Variants in ARMC9 observed in about 807,000 individuals in gnomAD.
ARMC9 encodes the protein armadillo repeat containing 9.
A neutral mutation model predicts 107.0 loss-of-function variants in ARMC9; 94 were observed. The ratio of observed to expected loss-of-function variants is 0.88; its 90% confidence interval spans 0.74 to 1.04. The LOEUF (loss-of-function observed/expected upper bound fraction) is 1.04. Ranked by LOEUF, ARMC9 falls within the 50% of genes least tolerant of loss-of-function variation. The pLI is 0.00. For synonymous variants in ARMC9, 380 were observed against 396.9 expected (o/e 0.96, Z 0.51); for missense variants, 942 against 1,030.1 (o/e 0.91, Z 1.17).
chr2:231,346,437 C>T (rs1268082600), intron 21 of ARMC9, among the ~76,000 whole-genome samples: 2 of 152,130 alleles, frequency 1.3e-5, no homozygotes, highest in East Asian at 1.9e-4. Flanking sequence ...AGGAGAATGC[C>T]GTGAACCCAG....
intron 19 of ARMC9, among the ~76,000 whole-genome samples, chr2:231,324,659 A>G (rs1036989733): frequency 2.6e-5 from 4 of 151,838 alleles, no homozygotes; most frequent in Admixed American, 2.6e-4. Flanking sequence ...CGAGAGAATC[A>G]CTTGAACCGA....
chr2:231,283,110 A>G (rs562290763), intron 17 of ARMC9, among the ~76,000 whole-genome samples: 1 of 152,246 alleles, frequency 6.6e-6, no homozygotes, highest in South Asian at 2.1e-4. Context: ...AGGAAGAGTC[A>G]CAGTTGCAGG....
chr2:231,295,161 T>G (rs1245822130), intron 18 of ARMC9: 1 of 152,282 alleles, frequency 6.6e-6, no homozygotes, highest in East Asian at 1.9e-4. Flanking sequence ...CTTTCTTCTT[T>G]CAGGCTTTCT....
chr2:231,304,547 C>T (rs1226473669), intron 19 of ARMC9, among the ~76,000 whole-genome samples: 5 of 152,156 alleles, frequency 3.3e-5, no homozygotes, highest in African/African-American at 9.7e-5. Flanking sequence ...AGGCATGTGC[C>T]ACCACGCCTG....
chr2:231,222,676 T>C (rs2034263758), intron 5 of ARMC9, 52 bp from the exon 6 acceptor site: 1 of 1,049,830 alleles, frequency 9.5e-7, no homozygotes, highest in Non-Finnish European at 1.4e-6. Flanking sequence ...TTGATGATGC[T>C]ATTGGTACTT....
intron 12 of ARMC9, among the ~76,000 whole-genome samples, chr2:231,265,646 T>TA (rs2038791622): frequency 6.6e-6 from 1 of 151,828 alleles, no homozygotes; most frequent in Admixed American, 6.6e-5. Flanking sequence ...CTAAATAACT[T>TA]ATCCCTGTAA....
chr2:231,306,336 AAT>A (rs1163797800), intron 19 of ARMC9, among the ~76,000 whole-genome samples: 1 of 152,220 alleles, frequency 6.6e-6, no homozygotes, highest in Non-Finnish European at 1.5e-5. Context: ...ATCTAATTTA[AAT>A]ACCTGATACA....
At chr2:231,292,453 A>G (rs1333327910) in intron 18 of ARMC9, among the ~76,000 whole-genome samples, 4 of 152,192 alleles carry the variant, frequency 2.6e-5, no homozygotes, top group Non-Finnish European at 5.9e-5. Context: ...CATTCACTGC[A>G]GAAAAACTGA....
At chr2:231,267,210 C>T (rs773234828) in intron 12 of ARMC9, among the ~76,000 whole-genome samples, 18 of 152,096 alleles carry the variant, frequency 1.2e-4, no homozygotes, top group Non-Finnish European at 2.9e-5. Flanking sequence ...GGCCAGGTAC[C>T]AGTTGTCCAA....
intron 20 of ARMC9, 76 bp downstream of exon 20, chr2:231,331,973 GAC>G (rs913256476): frequency 9.8e-6 from 12 of 1,228,524 alleles, no homozygotes; most frequent in African/African-American, 1.5e-5. Context: ...TGTTTTCAGT[GAC>G]ACAGAGGGTT....
chr2:231,207,029 AG>A (rs1295280880), intron 2 of ARMC9, among the ~76,000 whole-genome samples: 1 of 152,208 alleles, frequency 6.6e-6, no homozygotes, highest in African/African-American at 2.4e-5. Flanking sequence ...TTTAGAGACA[AG>A]GTCTTGTTCT....
chr2:231,227,720 C>G (rs1161467114), intron 7 of ARMC9, among the ~76,000 whole-genome samples: 1 of 152,202 alleles, frequency 6.6e-6, no homozygotes, highest in Non-Finnish European at 1.5e-5. Context: ...TTGTCAACCT[C>G]AGGGAGAGCT....
intron 9 of ARMC9, among the ~76,000 whole-genome samples, chr2:231,254,867 C>G (rs1397509049): frequency 1.3e-5 from 2 of 152,122 alleles, no homozygotes; most frequent in African/African-American, 2.4e-5. Context: ...TCCCTGCCCC[C>G]ACCCTGGAGT....
intron 8 of ARMC9, among the ~76,000 whole-genome samples, chr2:231,238,057 G>A (rs879721423): frequency 6.6e-6 from 1 of 151,802 alleles, no homozygotes; most frequent in South Asian, 2.1e-4. Context: ...TTTGCCACAC[G>A]AGTTTCCATG....
chr2:231,330,567 T>C (rs60531776), intron 19 of ARMC9, among the ~76,000 whole-genome samples: 9,534 of 152,176 alleles, frequency 0.063, 977 homozygotes, highest in African/African-American at 0.22. Flanking sequence ...GGTGGGGGCC[T>C]CCTTACCACC....
intron 7 of ARMC9, among the ~76,000 whole-genome samples, chr2:231,233,967 C>T (rs2035483691): frequency 1.3e-5 from 2 of 151,996 alleles, no homozygotes; most frequent in African/African-American, 2.4e-5. Context: ...TTATTGTCTC[C>T]ATTTTATAGG....
At chr2:231,264,475 A>AG (rs1205588173) in intron 12 of ARMC9, among the ~76,000 whole-genome samples, 24 of 151,012 alleles carry the variant, frequency 1.6e-4, no homozygotes, top group South Asian at 1.0e-3. Context: ...CACTGTGCCC[A>AG]GCTGTGGTTT....
At chr2:231,325,394 G>A (rs2125544090) in intron 19 of ARMC9, among the ~76,000 whole-genome samples, 1 of 152,324 alleles carries the variant, frequency 6.6e-6, no homozygotes, top group South Asian at 2.1e-4. Context: ...ATTGACTGAA[G>A]TTAGCCATTG....
intron 22 of ARMC9, among the ~76,000 whole-genome samples, chr2:231,359,639 T>G (rs1298599264): frequency 6.6e-6 from 1 of 152,228 alleles, no homozygotes; most frequent in Non-Finnish European, 1.5e-5. Context: ...GGGGTTCCCC[T>G]GCGTGTAGCC....
Sources: allele counts gnomAD v4.1 joint callset (sites outside exome capture counted in the v4.1 genomes callset), GRCh38; gene constraint gnomAD v4.1.1; transcripts MANE v1.5; gene names NCBI Gene and HGNC (gene_info 2026-07-23, HGNC 2026-07-21).